SCYL3: variants seen among roughly 807,000 people sequenced by gnomAD.
The protein encoded by SCYL3 is SCY1 like pseudokinase 3, also known as protein-associating with the carboxyl-terminal domain of ezrin.
Under a neutral mutation model 73.8 loss-of-function variants are expected in SCYL3, and 35 were observed. The observed-to-expected ratio is 0.47, with a 90% CI of 0.36 to 0.63. The LOEUF is 0.63. Among genes scored for constraint, SCYL3 ranks in the 20% least tolerant of loss-of-function variants. The pLI, the probability that SCYL3 is intolerant of heterozygous loss-of-function variation, is 0.00. For missense variants in SCYL3, 712 were observed against 798.9 expected, an observed-to-expected ratio of 0.89 and a Z score of 1.31; for synonymous variants, 277 against 295.2, an observed-to-expected ratio of 0.94 and a Z score of 0.63.
chr1:169,878,589 C>G lies in SCYL3; in HGVS notation c.351+45G>C, dbSNP rs1056379921. 2.8e-6 allele frequency: 4 copies of G among 1,450,298 alleles called. No homozygotes were observed. In the African/African-American group the frequency reaches 4.3e-5, roughly 16 times the overall value. 89.8% of individuals were successfully genotyped at this position (1,450,298 alleles called of 1,614,324 possible). A position where few individuals can be genotyped will look rare whatever the true frequency, so the allele number is the denominator to read the frequency against. On this transcript the variant is annotated intron_variant, in intron 3 of 12. Coordinates refer to ENST00000367771, the MANE Select transcript of SCYL3 (RefSeq NM_020423.7). ...TACCACACACATCACCCTCCCACCC[C>G]CATCTACATCAAAGTCTGTGATGCA...
At chr1:169,883,119 G>C (rs1248944175) in intron 2 of SCYL3, among the ~76,000 whole-genome samples, 1 of 152,046 alleles carries the variant, frequency 6.6e-6, no homozygotes, top group African/African-American at 2.4e-5. Context: ...CCAGAAGGAA[G>C]AAACTCCGAA....
Position 169,854,779 on chromosome 1 carries a change from C to G in SCYL3, c.1498G>C (p.Asp500His). 1 of 1,614,048 alleles carries G rather than the reference C, an allele frequency of 6.2e-7. No individual in the cohort carries two copies. Among genetic ancestry groups the G allele is most frequent in the Admixed American group, 1.7e-5 (1 of 60,012 alleles). Residue 500 changes from aspartate (D) to histidine (H), a missense_variant, in exon 12 of 13, where the codon GAT becomes CAT. Coordinates refer to ENST00000367771, the MANE Select transcript of SCYL3 (RefSeq NM_020423.7). ...GTAGTGCACTGGGACTTGACATCATCACAAGGTTCTCTAGGCCAAATCTGT... is the reference window on the plus strand; with the variant it reads ...GTAGTGCACTGGGACTTGACATCATGACAAGGTTCTCTAGGCCAAATCTGT... ...NIQIWPREPC[D>H]DVKSQCTTLD...
At chr1:169,888,927 C>A (rs545958257) in intron 1 of SCYL3, 37 bp from the exon 2 acceptor site, 66 of 1,224,148 alleles carry the variant, frequency 5.4e-5, no homozygotes, top group Non-Finnish European at 7.0e-5. Flanking sequence ...AACATTAAAT[C>A]CCTATCTGCA....
Position 169,859,081 on chromosome 1 carries a change from A to G in SCYL3, c.1272T>C (p.Thr424=), listed in dbSNP as rs750317056. The G allele has an allele frequency of 1.9e-5, 31 of 1,613,910 alleles. No individual in the cohort carries two copies. In the Admixed American group the frequency reaches 5.0e-4, roughly 26 times the overall value. The stretch of plus-strand genomic sequence containing the variant: ...CAGTATTTTTAGTAAAACTTGGGGC[A>G]GTGCGTTTGAAGATCTTGGTTCGTT... ...GGERTKIFKR[T]APSFTKNTDL... Residue 424 remains threonine (T), a synonymous_variant, in exon 11 of 13, where the codon ACT becomes ACC. Transcript: ENST00000367771.
At chr1:169,862,382 C>T (rs940115315) in intron 10 of SCYL3, among the ~76,000 whole-genome samples, 3 of 152,150 alleles carry the variant, frequency 2.0e-5, no homozygotes, top group African/African-American at 4.8e-5. Context: ...TTTACCCTCC[C>T]AAAATTAACA....
chr1:169,892,246 GTTTT>G (rs996681182), intron 1 of SCYL3, among the ~76,000 whole-genome samples: 29 of 151,058 alleles, frequency 1.9e-4, no homozygotes, highest in Admixed American at 1.1e-3. Context: ...ATATGAAGAA[GTTTT>G]TTTGTTTGTT....
intron 10 of SCYL3, chr1:169,860,170 C>T (rs1402294490): frequency 6.6e-6 from 1 of 152,220 alleles, no homozygotes; most frequent in Non-Finnish European, 1.5e-5. Context: ...CAAACAAATG[C>T]AGACAGAAGA....
intron 11 of SCYL3, among the ~76,000 whole-genome samples, chr1:169,858,202 A>G (rs746438372): frequency 2.6e-5 from 4 of 152,228 alleles, no homozygotes; most frequent in Non-Finnish European, 5.9e-5. Flanking sequence ...ATATTGTACA[A>G]CTGTACCAAA....
chr1:169,862,815 G>A lies in SCYL3; in HGVS notation c.956-18C>T, dbSNP rs769519958. On this transcript the variant is annotated intron_variant, in intron 9 of 12. Coordinates refer to ENST00000367771, the MANE Select transcript of SCYL3 (RefSeq NM_020423.7). ...CGCATGATCTACCCGAAAAATCAAAGGTTACAGATGAAAAAACAAATTTTC... is the reference window on the plus strand; with the variant it reads ...CGCATGATCTACCCGAAAAATCAAAAGTTACAGATGAAAAAACAAATTTTC... 13 of 1,608,912 alleles carry A rather than the reference G, an allele frequency of 8.1e-6. No homozygotes were observed. The East Asian group carries it at 2.9e-4, about 36-fold the overall frequency.
chr1:169,885,305 A>G (rs1181598245), intron 2 of SCYL3, among the ~76,000 whole-genome samples: 1 of 152,242 alleles, frequency 6.6e-6, no homozygotes, highest in African/African-American at 2.4e-5. Context: ...ATCAGGAATC[A>G]GTTATGATTC....
chr1:169,852,637 T>C lies in SCYL3; in HGVS notation c.*1076A>G, dbSNP rs1318847140. 1.4e-6 allele frequency: 1 copy of C among 708,636 alleles called. No individual in the cohort carries two copies. The highest frequency in any genetic ancestry group is 2.7e-5 in the East Asian group (1 of 37,278). 43.9% of individuals were successfully genotyped at this position (708,636 alleles called of 1,614,324 possible). On this transcript the variant is annotated 3_prime_UTR_variant, in exon 13 of 13. Coordinates refer to ENST00000367771, the MANE Select transcript of SCYL3 (RefSeq NM_020423.7). ...ACCAAAATGCCTTTACATATTTTTCTAGATGACTGTGTAGGGGTTTTGGGG... is the reference window on the plus strand; with the variant it reads ...ACCAAAATGCCTTTACATATTTTTCCAGATGACTGTGTAGGGGTTTTGGGG...
Position 169,852,214 on chromosome 1 carries a change from C to A in SCYL3, c.*1499G>T, listed in dbSNP as rs547036166. 4.7e-6 allele frequency: 2 copies of A among 427,426 alleles called. No individual in the cohort carries two copies. The highest frequency in any genetic ancestry group is 4.1e-5 in the African/African-American group (2 of 48,814). The allele number at this position is 427,426 out of a possible 1,614,324, so 26.5% of individuals were successfully genotyped here. A position where few individuals can be genotyped will look rare whatever the true frequency, so the allele number is the denominator to read the frequency against. Reference sequence around the variant, plus strand: ...AGTGATGCTATAAATGCAGTCTTTACTGAACCACAGAAGAAAATGAAAGAA... The same window carrying A: ...AGTGATGCTATAAATGCAGTCTTTAATGAACCACAGAAGAAAATGAAAGAA... On this transcript the variant is annotated 3_prime_UTR_variant, in exon 13 of 13. Coordinates refer to ENST00000367771, the MANE Select transcript of SCYL3 (RefSeq NM_020423.7).
At chr1:169,863,907 C>CT (rs1553260802) in intron 9 of SCYL3, among the ~76,000 whole-genome samples, 1 of 152,130 alleles carries the variant, frequency 6.6e-6, no homozygotes, top group Admixed American at 6.5e-5. Context: ...ATCTCTAGTG[C>CT]TATAAAATTG....
intron 8 of SCYL3, among the ~76,000 whole-genome samples, chr1:169,865,723 G>C (rs1659989124): frequency 6.6e-6 from 1 of 152,192 alleles, no homozygotes. Flanking sequence ...TGCTGGAACA[G>C]CTCTTGCTAA....
chr1:169,849,901 G>T lies in SCYL3; in HGVS notation c.*3812C>A. 1 of 466,490 alleles carries T rather than the reference G, an allele frequency of 2.1e-6. No individual in the cohort carries two copies. Among genetic ancestry groups the T allele is most frequent in the South Asian group, 2.7e-5 (1 of 37,714 alleles). 28.9% of individuals were successfully genotyped at this position (466,490 alleles called of 1,614,324 possible). Reference sequence around the variant, plus strand: ...AGCAGATAGTATTTTTGGGTCAAATGATAATACATTTCATTTTGTGCTATC... The same window carrying T: ...AGCAGATAGTATTTTTGGGTCAAATTATAATACATTTCATTTTGTGCTATC... On this transcript the variant is annotated 3_prime_UTR_variant, in exon 13 of 13. Coordinates refer to ENST00000367771, the MANE Select transcript of SCYL3 (RefSeq NM_020423.7).
In SCYL3 at chr1:169,853,297, T is replaced by C. The variant is rs1055898169; in HGVS notation, c.*416A>G. 1 of 346,720 alleles carries C rather than the reference T, an allele frequency of 2.9e-6. No individual in the cohort carries two copies. The highest frequency in any genetic ancestry group is 5.2e-6 in the Non-Finnish European group (1 of 192,480). The allele number at this position is 346,720 out of a possible 1,614,324, so 21.5% of individuals were successfully genotyped here. ...AATTTAAAATCATTTATATAATTTA[T>C]AGCTAAAATTTTTTAAAGTTGTATT... is the stretch of plus-strand genomic sequence containing the variant. On this transcript the variant is annotated 3_prime_UTR_variant, in exon 13 of 13. Coordinates refer to ENST00000367771, the MANE Select transcript of SCYL3 (RefSeq NM_020423.7).
chr1:169,854,017 TCCTTATTTTAATC>T (rs1658818623), intron 12 of SCYL3: 1 of 582,828 alleles, frequency 1.7e-6, no homozygotes, highest in Admixed American at 3.4e-5. Context: ...TGACACCAAA[TCCTTATTTTAATC>T]CCTTTTTTTT....
intron 11 of SCYL3, chr1:169,855,842 G>C (rs1480101981): frequency 6.2e-7 from 1 of 1,613,718 alleles, no homozygotes; most frequent in Non-Finnish European, 8.5e-7. Flanking sequence ...TGTGCTTCTT[G>C]CTGTTGATGG....
At chr1:169,863,627 G>A (rs370228034) in intron 9 of SCYL3, among the ~76,000 whole-genome samples, 4 of 152,244 alleles carry the variant, frequency 2.6e-5, no homozygotes, top group Admixed American at 6.5e-5. Flanking sequence ...AATGGATCAA[G>A]CAAAGAGGCA....
Sources: allele counts gnomAD v4.1 joint callset (sites outside exome capture counted in the v4.1 genomes callset), GRCh38; gene constraint gnomAD v4.1.1; transcripts MANE v1.5; gene names NCBI Gene and HGNC (gene_info 2026-07-23, HGNC 2026-07-21).